DCST1: variants seen among roughly 807,000 people sequenced by gnomAD.
DCST1 encodes E3 ubiquitin-protein ligase DCST1.
A neutral mutation model predicts 89.1 loss-of-function variants in DCST1; 78 were observed. That is an observed-to-expected ratio of 0.88 (90% CI 0.73 to 1.06). DCST1 has a LOEUF of 1.06. Ranked by LOEUF, DCST1 falls within the 50% of genes least tolerant of loss-of-function variation. The probability of loss-of-function intolerance (pLI) is 0.00; values close to 1 mark genes in which losing one functional copy is unlikely to be tolerated. For missense variants in DCST1, 900 were observed against 928.6 expected (o/e 0.97, Z 0.40); for synonymous variants, 364 against 371.9 (o/e 0.98, Z 0.24).
rs1558109871 is a variant in DCST1, at chr1:155,045,810, C to T, written c.1173-83C>T. The T allele has an allele frequency of 2.2e-5, 26 of 1,194,124 alleles. No homozygotes were observed. The South Asian group carries it at 3.2e-4, about 15-fold the overall frequency. 74.0% of individuals were successfully genotyped at this position (1,194,124 alleles called of 1,614,324 possible). A position where few individuals can be genotyped will look rare whatever the true frequency, so the allele number is the denominator to read the frequency against. On this transcript the variant is annotated intron_variant, in intron 10 of 16. Transcript: ENST00000295542. Reference sequence around the variant, plus strand: ...GAATGCTGGCTGGTTGGTTGAATGACTGTGCCTCAAGGAAGCCCATGTTTG... The same window carrying T: ...GAATGCTGGCTGGTTGGTTGAATGATTGTGCCTCAAGGAAGCCCATGTTTG...
At chr1:155,034,907 A>C in intron 4 of DCST1, 180 bp downstream of exon 4, 1 of 653,234 alleles carries the variant, frequency 1.5e-6, no homozygotes, top group Admixed American at 2.5e-5. Context: ...TTAAGAAGGA[A>C]GACACCGTCC....
chr1:155,048,009 T>C (rs560648619), intron 15 of DCST1, 48 bp from the exon 16 acceptor site: 1 of 1,613,058 alleles, frequency 6.2e-7, no homozygotes, highest in African/African-American at 1.3e-5. Flanking sequence ...ACCAACTCCA[T>C]ATTTGGGGGA....
chr1:155,034,699 G>T lies in DCST1; in HGVS notation c.234G>T (p.Gln78His). ...LVNPMNIYEEQKIMFLYSLVG... is the reference protein window; with the variant it reads ...LVNPMNIYEEHKIMFLYSLVG... ...ACCCCATGAACATCTACGAAGAACAGAAGATTATGTTCTTGTACAGCTTGG... is the reference window on the plus strand; with the variant it reads ...ACCCCATGAACATCTACGAAGAACATAAGATTATGTTCTTGTACAGCTTGG... The change falls in exon 4 of 17, where the codon CAG becomes CAT. Residue 78 changes from glutamine (Q) to histidine (H), a missense_variant. Transcript: ENST00000295542. The T allele has an allele frequency of 1.2e-6, 2 of 1,614,206 alleles. No individual in the cohort carries two copies. The highest frequency in any genetic ancestry group is 2.7e-5 in the African/African-American group (2 of 75,052).
rs1363106130 is a variant in DCST1, at chr1:155,046,425, G to A, written c.1434G>A (p.Trp478Ter). Reference protein sequence around the residue: ...LLLVVLCGLDWALYSIFDTIR... With the variant: ...LLLVVLCGLD ...TGGTGGTGCTGTGTGGCTTGGACTG[G>A]GCTCTCTACTCCATCTTCGACACCA... The change falls in exon 13 of 17, where the codon TGG becomes TGA. Residue 478 changes from tryptophan (W) to a stop codon, truncating the protein, a stop_gained. Coordinates refer to ENST00000295542, the MANE Select transcript of DCST1 (RefSeq NM_152494.4). LOFTEE classifies it high-confidence loss of function. 1.9e-6 allele frequency: 3 copies of A among 1,613,708 alleles called. No homozygotes were observed. The highest frequency in any genetic ancestry group is 1.7e-6 in the Non-Finnish European group (2 of 1,179,994).
Position 155,046,349 on chromosome 1 carries a change from T to TA in DCST1, c.1369-11_1369-10insA. On this transcript the variant is annotated splice_polypyrimidine_tract_variant and intron_variant, in intron 12 of 16. Coordinates refer to ENST00000295542, the MANE Select transcript of DCST1 (RefSeq NM_152494.4). ...CACTGCCCAGCTCTGCCCCTCCTGC[T>TA]CCTTGGCCAGGTGAGGGAGCTCCTG... 1 of 1,614,120 alleles carries TA rather than the reference T, an allele frequency of 6.2e-7. No homozygotes were observed. The highest frequency in any genetic ancestry group is 8.5e-7 in the Non-Finnish European group (1 of 1,180,016).
intron 5 of DCST1, 59 bp from the exon 6 acceptor site, chr1:155,040,426 C>A (rs575060910): frequency 1.5e-5 from 23 of 1,533,802 alleles, no homozygotes; most frequent in Non-Finnish European, 1.8e-5. Flanking sequence ...GGAAGCTGAG[C>A]GGGTTTGAGA....
chr1:155,034,737 G>A lies in DCST1; in HGVS notation c.262+10G>A, dbSNP rs1160273350. On this transcript the variant is annotated intron_variant, in intron 4 of 16. Transcript: ENST00000295542. ...TTGTACAGCTTGGTGGGTTAGTGCT[G>A]GGCAAAAGCCAGGAACACTCAAGCG... 1.2e-6 allele frequency: 2 copies of A among 1,614,034 alleles called. No individual in the cohort carries two copies. The highest frequency in any genetic ancestry group is 8.5e-7 in the Non-Finnish European group (1 of 1,179,998).
intron 5 of DCST1, among the ~76,000 whole-genome samples, chr1:155,040,032 C>T (rs1247432477): frequency 2.3e-5 from 3 of 130,192 alleles, no homozygotes; most frequent in Non-Finnish European, 3.1e-5. Flanking sequence ...AGGCCAGGCA[C>T]GGTGGCTCAC....
At chr1:155,046,261 AG>A (rs1224906257) in intron 12 of DCST1, 41 bp downstream of exon 12, 1 of 1,614,146 alleles carries the variant, frequency 6.2e-7, no homozygotes, top group East Asian at 2.2e-5. Flanking sequence ...GTGCAAAGAC[AG>A]GCCTGAAGGT....
At chr1:155,034,936 T>TCCATTCCGAGGGACTCCCC in intron 4 of DCST1, 1 of 596,718 alleles carries the variant, frequency 1.7e-6, no homozygotes, top group South Asian at 2.0e-5. Flanking sequence ...AGGGAGTCTC[T>TCCATTCCGAGGGACTCCCC]CCATTCCGAG....
At position 155,041,623 on chromosome 1, in the gene DCST1, A is replaced by G. The variant is rs1290768135; in HGVS notation, c.748+10A>G. ...AAGCTGCGTTGCTCCTGTGAGGGGT[A>G]TCCCTGGGGAGTGGAGGGTGGGGTG... On this transcript the variant is annotated intron_variant, in intron 7 of 16. Transcript: ENST00000295542. The G allele has an allele frequency of 2.5e-6, 4 of 1,613,814 alleles. No individual in the cohort carries two copies. Among genetic ancestry groups the G allele is most frequent in the Non-Finnish European group, 3.4e-6 (4 of 1,179,896 alleles).
chr1:155,048,259 C>T, intron 16 of DCST1, 89 bp downstream of exon 16: 1 of 1,039,208 alleles, frequency 9.6e-7, no homozygotes, highest in Non-Finnish European at 1.5e-6. Flanking sequence ...CACCCAGCAC[C>T]CACCAATGGT....
intron 5 of DCST1, 70 bp from the exon 6 acceptor site, chr1:155,040,415 G>A (rs1290068138): frequency 6.6e-7 from 1 of 1,513,112 alleles, no homozygotes; most frequent in Non-Finnish European, 8.9e-7. Context: ...TATTTGCAGA[G>A]GGAAGCTGAG....
At chr1:155,048,297 C>T in intron 16 of DCST1, 127 bp downstream of exon 16, 2 of 748,640 alleles carry the variant, frequency 2.7e-6, no homozygotes, top group Middle Eastern at 3.0e-4. Flanking sequence ...CTGGTAAGTT[C>T]TTTTTATTTT....
Position 155,039,520 on chromosome 1 carries a change from C to A in DCST1, c.380C>A (p.Ala127Asp). The change falls in exon 5 of 17, where the codon GCC becomes GAC. Residue 127 changes from alanine to aspartate, a missense_variant. Coordinates refer to ENST00000295542, the MANE Select transcript of DCST1 (RefSeq NM_152494.4). Reference protein sequence around the residue: ...RLFVLGYALAAIYVGPVANLR... With the variant: ...RLFVLGYALADIYVGPVANLR... ...TTTGTCCTGGGATACGCCTTGGCTG[C>A]CATCTATGTGGGTGAGTATGTGGGG... is the stretch of plus-strand genomic sequence containing the variant. The A allele has an allele frequency of 6.3e-7, 1 of 1,597,952 alleles. No individual in the cohort carries two copies. The highest frequency in any genetic ancestry group is 1.1e-5 in the South Asian group (1 of 87,760).
In DCST1 at chr1:155,047,235, T is replaced by C. The variant is rs138911736; in HGVS notation, c.1535T>C (p.Met512Thr). ...KLEVKVGGDSMLARLLRKTIG... is the reference protein window; with the variant it reads ...KLEVKVGGDSTLARLLRKTIG... ...GAGGTGAAGGTCGGGGGAGACTCCA[T>C]GCTAGCCCGGCTTCTTCGAAAAACC... Residue 512 changes from methionine (M) to threonine (T), a missense_variant, in exon 14 of 17, where the codon ATG becomes ACG. Met to Thr is a moderately conservative substitution (Grantham distance 81, BLOSUM62 -1). Coordinates refer to ENST00000295542, the MANE Select transcript of DCST1 (RefSeq NM_152494.4). 198 of 1,614,188 alleles carry C rather than the reference T, an allele frequency of 1.2e-4. 1 individual carries two copies. In the African/African-American group the frequency reaches 1.7e-3, roughly 14 times the overall value.
intron 10 of DCST1, among the ~76,000 whole-genome samples, chr1:155,043,992 G>A (rs1382406217): frequency 6.6e-6 from 1 of 152,188 alleles, no homozygotes; most frequent in East Asian, 1.9e-4. Context: ...CTCCCCTGCT[G>A]GTCTCTGGAC....
chr1:155,035,930 CA>C (rs1461833070), intron 4 of DCST1, among the ~76,000 whole-genome samples: 1 of 147,114 alleles, frequency 6.8e-6, no homozygotes, highest in Non-Finnish European at 1.5e-5. Flanking sequence ...AAGGCCATCT[CA>C]AAAAAAAGAA....
chr1:155,038,442 G>C (rs1252354506), intron 4 of DCST1, among the ~76,000 whole-genome samples: 1 of 152,220 alleles, frequency 6.6e-6, no homozygotes, highest in East Asian at 1.9e-4. Context: ...GTGTAAGGTA[G>C]CAAGAGAGGA....
Sources: gnomAD v4.1 joint callset for allele counts (sites outside exome capture counted in the v4.1 genomes callset) on GRCh38, gnomAD v4.1.1 for gene constraint, MANE v1.5 for transcripts, NCBI Gene and HGNC (gene_info 2026-07-23, HGNC 2026-07-21) for gene names.